The following CLDN10 variants were observed in gnomAD, a reference collection of about 807,000 sequenced individuals.
CLDN10 encodes claudin 10, also known as claudin-10.
CLDN10 carries 15 observed loss-of-function variants against 22.9 expected under a neutral mutation model. The ratio of observed to expected loss-of-function variants is 0.65; its 90% CI spans 0.44 to 1.01. The LOEUF is 1.01. CLDN10 is among the 50% of genes least tolerant of loss of function. The pLI, the probability that CLDN10 is intolerant of heterozygous loss-of-function variation, is 0.00. For synonymous variants in CLDN10, 114 were observed against 111.4 expected (o/e 1.02, Z -0.15); for missense variants, 247 against 287.8 (o/e 0.86, Z 1.03).
Position 95,510,810 on chromosome 13 carries a change from A to AAATTTG in CLDN10, c.215-49321_215-49316dup, listed in dbSNP as rs2043088294. Among the ~76,000 whole-genome samples, 5 of 152,320 alleles carry AAATTTG rather than the reference A, an allele frequency of 3.3e-5. No homozygotes were observed. In the South Asian group the frequency reaches 1.0e-3, roughly 32 times the overall value. ...ATTATATTGCTAGGAAATTAAGTGA[A>AAATTTG]AATTTGTTGGAGTGAGTCTCCAATG... On this transcript the variant is annotated intron_variant, in intron 1 of 4. Coordinates refer to the CLDN10 transcript ENST00000376873.
At position 95,518,927 on chromosome 13, in the gene CLDN10, G is replaced by A. The variant is rs139199185; in HGVS notation, c.215-41205G>A. Among the ~76,000 whole-genome samples the A allele has an allele frequency of 4.2e-4, 64 of 152,282 alleles. No homozygotes were observed. The Middle Eastern group carries it at 0.01, about 24-fold the overall frequency. On this transcript the variant is annotated intron_variant, in intron 1 of 4. Transcript: ENST00000376873. ...GGTCACAAAAGTATTTTGGTTTAGA[G>A]TGTGATCTTGTGTCATCTTTCTGAC... is the stretch of plus-strand genomic sequence containing the variant.
chr13:95,491,607 C>CTT (rs1594559603), intron 1 of CLDN10, among the ~76,000 whole-genome samples: 2 of 152,166 alleles, frequency 1.3e-5, no homozygotes, highest in East Asian at 3.9e-4. Flanking sequence ...TGGGCTTCTC[C>CTT]TTTCTCTGGT....
intron 1 of CLDN10, among the ~76,000 whole-genome samples, chr13:95,531,874 G>A (rs964710465): frequency 1.3e-5 from 2 of 151,904 alleles, no homozygotes; most frequent in Admixed American, 6.6e-5. Flanking sequence ...ATAGATCTGC[G>A]CTTACACATG....
At chr13:95,573,679 GTTTT>G (rs1185175780) in intron 3 of CLDN10, among the ~76,000 whole-genome samples, 1 of 151,388 alleles carries the variant, frequency 6.6e-6, no homozygotes, top group South Asian at 2.1e-4. Flanking sequence ...ACACACGTCA[GTTTT>G]TTTTGATATT....
chr13:95,482,639 G>A (rs1185204390), intron 1 of CLDN10, among the ~76,000 whole-genome samples: 4 of 152,116 alleles, frequency 2.6e-5, no homozygotes, highest in Non-Finnish European at 2.9e-5. Context: ...GAACCATCTG[G>A]ATTGTTTTAT....
intron 1 of CLDN10, among the ~76,000 whole-genome samples, chr13:95,499,448 C>T (rs752201858): frequency 1.3e-5 from 2 of 152,004 alleles, no homozygotes; most frequent in East Asian, 1.9e-4. Flanking sequence ...AGGCTGAGGC[C>T]GGAGAATCAC....
chr13:95,561,559 C>G lies in CLDN10; in HGVS notation c.464+1096C>G, dbSNP rs141344209. ...TTATAAAGTAGGTCCTCTTGGTACT[C>G]TTTTTTTAAATTGAGGAAAGAGGCC... is the stretch of plus-strand genomic sequence containing the variant. On this transcript the variant is annotated intron_variant, in intron 3 of 4. Coordinates refer to ENST00000299339, the MANE Select transcript of CLDN10 (RefSeq NM_006984.5). 5.9e-3 allele frequency among the ~76,000 whole-genome samples: 895 copies of G among 152,170 alleles called. 9 individuals carry two copies. Among genetic ancestry groups the G allele is most frequent in the African/African-American group, 0.021 (862 of 41,536 alleles).
intron 1 of CLDN10, among the ~76,000 whole-genome samples, chr13:95,513,789 T>C (rs1325747949): frequency 6.6e-6 from 1 of 152,234 alleles, no homozygotes; most frequent in Non-Finnish European, 1.5e-5. Context: ...GTCTATAAAA[T>C]CTGTGTCTAT....
rs2043584118 is a variant in CLDN10, at chr13:95,552,870, C to T, written c.117C>T (p.Val39=). The change falls in exon 1 of 5, where the codon GTC becomes GTT. Residue 39 remains valine (V), a synonymous_variant. Transcript: ENST00000299339. ...AGGTGTCTACCATCGACGGCACGGTCATCACAACCGCCACCTATTGGGCCA... is the reference window on the plus strand; with the variant it reads ...AGGTGTCTACCATCGACGGCACGGTTATCACAACCGCCACCTATTGGGCCA... ...YWKVSTIDGT[V]ITTATYWANL... The T allele has an allele frequency of 1.9e-6, 3 of 1,614,132 alleles. No homozygotes were observed. The South Asian group carries it at 3.3e-5, about 18-fold the overall frequency.
chr13:95,516,162 C>T (rs1192720935), intron 1 of CLDN10, among the ~76,000 whole-genome samples: 1 of 151,754 alleles, frequency 6.6e-6, no homozygotes, highest in Non-Finnish European at 1.5e-5. Context: ...GCTATGAATA[C>T]AAATGTATAC....
rs909210352 is a variant in CLDN10, at chr13:95,579,540, G to C, written c.*1526G>C. 2.0e-5 allele frequency: 3 copies of C among 152,196 alleles called. No homozygotes were observed. Among genetic ancestry groups the C allele is most frequent in the African/African-American group, 7.2e-5 (3 of 41,442 alleles). The allele number at this position is 152,196 out of a possible 1,614,324, so 9.4% of individuals were successfully genotyped here. On this transcript the variant is annotated 3_prime_UTR_variant, in exon 5 of 5. Transcript: ENST00000299339. ...GGCCTTTGAACCAAGGCAGTCTAGG[G>C]TAAAATATAGTTTCAAAGTATGAAT...
chr13:95,460,179 C>T (rs974711764), intron 1 of CLDN10, among the ~76,000 whole-genome samples: 2 of 152,180 alleles, frequency 1.3e-5, no homozygotes, highest in Admixed American at 1.3e-4. Context: ...GTATTTTGGT[C>T]AAAGTCATTC....
chr13:95,557,408 T>G (rs2043652621), intron 1 of CLDN10, among the ~76,000 whole-genome samples: 1 of 152,184 alleles, frequency 6.6e-6, no homozygotes, highest in South Asian at 2.1e-4. Context: ...GGCTCCAATC[T>G]GTGGGTGTTG....
At chr13:95,472,606 G>T (rs1014704295) in intron 1 of CLDN10, among the ~76,000 whole-genome samples, 5 of 150,810 alleles carry the variant, frequency 3.3e-5, no homozygotes. Flanking sequence ...GGAGGCAGAG[G>T]TTGCAGTGAG....
At chr13:95,451,795 G>A (rs910752820) in intron 1 of CLDN10, among the ~76,000 whole-genome samples, 2 of 152,170 alleles carry the variant, frequency 1.3e-5, no homozygotes, top group Non-Finnish European at 2.9e-5. Flanking sequence ...CATTTGTTGA[G>A]TTGAATGAGT....
At chr13:95,564,202 C>A (rs2043754208) in intron 3 of CLDN10, among the ~76,000 whole-genome samples, 1 of 152,154 alleles carries the variant, frequency 6.6e-6, no homozygotes, top group East Asian at 1.9e-4. Context: ...AACGTCTATG[C>A]AACTGTATCT....
chr13:95,441,915 A>G (rs1454652167), intron 1 of CLDN10, among the ~76,000 whole-genome samples: 6 of 152,146 alleles, frequency 3.9e-5, no homozygotes, highest in African/African-American at 7.2e-5. Context: ...ACTTTGGGAG[A>G]CAAGCCAGGT....
At chr13:95,502,531 GT>G (rs2042996676) in intron 1 of CLDN10, among the ~76,000 whole-genome samples, 1 of 152,022 alleles carries the variant, frequency 6.6e-6, no homozygotes, top group Non-Finnish European at 1.5e-5. Flanking sequence ...CTGTGTGTTT[GT>G]TTTTTGAGAC....
chr13:95,560,688 G>A (rs1453865778), intron 3 of CLDN10: 3 of 524,184 alleles, frequency 5.7e-6, no homozygotes, highest in South Asian at 2.2e-5. Context: ...AACAGTTCAA[G>A]GCATCAAATT....
Sources: gnomAD v4.1 joint callset for allele counts (sites outside exome capture counted in the v4.1 genomes callset) on GRCh38, gnomAD v4.1.1 for gene constraint, MANE v1.5 for transcripts, NCBI Gene and HGNC (gene_info 2026-07-23, HGNC 2026-07-21) for gene names.